The following FAM220A variants were observed in gnomAD, a reference collection of about 807,000 sequenced individuals.
The protein encoded by FAM220A is protein FAM220A.
For missense variants in FAM220A, 392 were observed against 321.6 expected (o/e 1.22, Z -1.68); for synonymous variants, 141 against 130.7 (o/e 1.08, Z -0.54).
chr7:6,348,666 C>G lies in FAM220A; in HGVS notation c.-175G>C. 2.0e-6 allele frequency: 1 copy of G among 508,326 alleles called. No homozygotes were observed. The highest frequency in any genetic ancestry group is 3.0e-5 in the South Asian group (1 of 33,782). 31.5% of individuals were successfully genotyped at this position (508,326 alleles called of 1,614,324 possible). On this transcript the variant is annotated 5_prime_UTR_variant, in exon 1 of 2. Coordinates refer to ENST00000313324, the MANE Select transcript of FAM220A (RefSeq NM_001037163.2). ...AGGCCAGGTCGAAGAAGATGAGCAG[C>G]GTGCGAGTCAGCCCCTTGCAGAAGA...
intron 1 of FAM220A, chr7:6,338,647 T>A (rs543652394): frequency 1.3e-5 from 2 of 152,198 alleles, no homozygotes; most frequent in Non-Finnish European, 2.9e-5. Context: ...ACAGGAGCGG[T>A]CACCTTCCTC....
At chr7:6,344,880 G>A (rs577516239) in intron 1 of FAM220A, among the ~76,000 whole-genome samples, 2 of 151,240 alleles carry the variant, frequency 1.3e-5, no homozygotes, top group African/African-American at 2.4e-5. Context: ...TAGCTGGGAT[G>A]ACAGGCGCAT....
At chr7:6,339,260 G>C (rs1053063417) in intron 1 of FAM220A, among the ~76,000 whole-genome samples, 3 of 152,100 alleles carry the variant, frequency 2.0e-5, no homozygotes, top group African/African-American at 7.2e-5. Flanking sequence ...TTGAGCCTAG[G>C]AGCCGGAGAC....
Position 6,330,467 on chromosome 7 carries a change from T to C in FAM220A, c.688A>G (p.Met230Val), listed in dbSNP as rs1456359804. The C allele has an allele frequency of 1.2e-6, 2 of 1,614,174 alleles. No individual in the cohort carries two copies. ...FSKQTIEFKK[M>V]LKSTSDGLQI... is the part of the protein sequence containing the mutation. ...AGACCATCTGAGGTGCTTTTAAGCA[T>C]TTTCTTGAATTCTATTGTTTGCTTT... Residue 230 changes from methionine to valine, a missense_variant, in exon 2 of 2, where the codon ATG becomes GTG. Physicochemically the swap from Met to Val is conservative, Grantham distance 21. Transcript: ENST00000313324.
chr7:6,333,965 G>A (rs1583236690), intron 1 of FAM220A, among the ~76,000 whole-genome samples: 1 of 149,406 alleles, frequency 6.7e-6, no homozygotes, highest in African/African-American at 2.5e-5. Context: ...TCCTGCCTCA[G>A]CCTCCCAAGT....
chr7:6,333,563 A>G (rs1005053060), intron 1 of FAM220A, among the ~76,000 whole-genome samples: 8 of 152,072 alleles, frequency 5.3e-5, no homozygotes, highest in Admixed American at 3.3e-4. Context: ...CAATGGCGTG[A>G]TCACAGCTCA....
chr7:6,337,606 G>C (rs545159604), intron 1 of FAM220A, among the ~76,000 whole-genome samples: 1 of 151,182 alleles, frequency 6.6e-6, no homozygotes, highest in Non-Finnish European at 1.5e-5. Flanking sequence ...CATTTCCTTA[G>C]CAAACTAACG....
chr7:6,344,854 G>A (rs1004147009), intron 1 of FAM220A, among the ~76,000 whole-genome samples: 20 of 151,232 alleles, frequency 1.3e-4, no homozygotes, highest in African/African-American at 4.9e-4. Context: ...TAATTCTCCT[G>A]CCTCAGCCTC....
chr7:6,346,144 A>G (rs1218265124), intron 1 of FAM220A, among the ~76,000 whole-genome samples: 1 of 151,992 alleles, frequency 6.6e-6, no homozygotes, highest in Non-Finnish European at 1.5e-5. Flanking sequence ...CTGACTAGAT[A>G]CGGCAAATAC....
chr7:6,348,235 G>A (rs948585350), intron 1 of FAM220A, among the ~76,000 whole-genome samples: 5 of 151,064 alleles, frequency 3.3e-5, no homozygotes, highest in Non-Finnish European at 1.5e-5. Flanking sequence ...AAAAATAAGG[G>A]GGGGGGTTGC....
chr7:6,341,483 T>A (rs1482021300), intron 1 of FAM220A, among the ~76,000 whole-genome samples: 2 of 148,206 alleles, frequency 1.3e-5, no homozygotes, highest in Non-Finnish European at 3.0e-5. Context: ...TTATGAGCAC[T>A]GTCATCCTGG....
In FAM220A at chr7:6,348,780, G is replaced by GC. The variant is rs780978883; in HGVS notation, c.-290dup. On this transcript the variant is annotated 5_prime_UTR_variant, in exon 1 of 2. Coordinates refer to ENST00000313324, the MANE Select transcript of FAM220A (RefSeq NM_001037163.2). ...CCATATAGAGACCGGCGCTCCCACA[G>GC]CCCCCCCGCCCGCCCTCTCCGCGCC... is the stretch of plus-strand genomic sequence containing the variant. The GC allele has an allele frequency of 2.0e-4, 78 of 397,500 alleles. No individual in the cohort carries two copies. Among genetic ancestry groups the GC allele is most frequent in the Non-Finnish European group, 3.2e-4 (72 of 225,320 alleles). 24.6% of individuals were successfully genotyped at this position (397,500 alleles called of 1,614,324 possible).
rs373146806 is a variant in FAM220A at position 6,338,186 on chromosome 7, T to C, written c.-81-6951A>G. On this transcript the variant is annotated intron_variant, in intron 1 of 1. Coordinates refer to ENST00000313324, the MANE Select transcript of FAM220A (RefSeq NM_001037163.2). Reference sequence around the variant, plus strand: ...TCTTCTGGTATTAGACTGTTATACATATTACCTGTATTCTGAGGGCCACAA... The same window carrying C: ...TCTTCTGGTATTAGACTGTTATACACATTACCTGTATTCTGAGGGCCACAA... Among the ~76,000 whole-genome samples the C allele has an allele frequency of 1.2e-4, 19 of 152,328 alleles. No homozygotes were observed. The East Asian group carries it at 1.7e-3, about 14-fold the overall frequency.
At position 6,330,565 on chromosome 7, in the gene FAM220A, T is replaced by G. The variant is rs766419414; in HGVS notation, c.590A>C (p.His197Pro). ...ACTCAGGAGCACTTCGGGATACACG[T>G]GCAGCGTTGCAGACAGGATGGAGTG... Reference protein sequence around the residue: ...CLHSILSATLHVYPEVLLSEE... With the variant: ...CLHSILSATLPVYPEVLLSEE... Residue 197 changes from histidine to proline, a missense_variant, in exon 2 of 2, where the codon CAC becomes CCC. Coordinates refer to ENST00000313324, the MANE Select transcript of FAM220A (RefSeq NM_001037163.2). 126 of 1,614,068 alleles carry G rather than the reference T, an allele frequency of 7.8e-5. No homozygotes were observed. The highest frequency in any genetic ancestry group is 4.2e-4 in the South Asian group (38 of 91,092).
intron 1 of FAM220A, 142 bp downstream of exon 1, chr7:6,348,431 A>C (rs1047433642): frequency 1.0e-5 from 4 of 396,072 alleles, no homozygotes; most frequent in African/African-American, 8.3e-5. Context: ...GGATCTCCCC[A>C]AAGTAGGGTC....
At chr7:6,337,794 A>ATTATTTATTTATTTAT (rs142856746) in intron 1 of FAM220A, among the ~76,000 whole-genome samples, 36 of 150,564 alleles carry the variant, frequency 2.4e-4, no homozygotes, top group Non-Finnish European at 4.9e-4. Flanking sequence ...ATTTCAATAC[A>ATTATTTATTTATTTAT]TTATTTATTT....
intron 1 of FAM220A, among the ~76,000 whole-genome samples, chr7:6,335,995 A>G (rs1781738728): frequency 6.6e-6 from 1 of 152,084 alleles, no homozygotes; most frequent in Admixed American, 6.6e-5. Context: ...CTACACGGTG[A>G]AACCCCGTCT....
chr7:6,345,779 AT>A (rs1332668959), intron 1 of FAM220A, among the ~76,000 whole-genome samples: 1 of 151,104 alleles, frequency 6.6e-6, no homozygotes, highest in Admixed American at 6.6e-5. Context: ...TATTATTATT[AT>A]TTTTTTGAGA....
intron 1 of FAM220A, among the ~76,000 whole-genome samples, chr7:6,332,027 G>C (rs1046280902): frequency 6.6e-6 from 1 of 150,848 alleles, no homozygotes; most frequent in East Asian, 2.0e-4. Flanking sequence ...TGGGAGAATC[G>C]CTTGAACCCA....
Sources: gnomAD v4.1 joint callset for allele counts (sites outside exome capture counted in the v4.1 genomes callset) on GRCh38, gnomAD v4.1.1 for gene constraint, MANE v1.5 for transcripts, NCBI Gene and HGNC (gene_info 2026-07-23, HGNC 2026-07-21) for gene names.